The following HIVEP3 variants were observed in gnomAD, a reference collection of about 807,000 sequenced individuals.
HIVEP3 encodes the protein HIVEP zinc finger 3, also known as transcription factor HIVEP3.
HIVEP3 carries 49 observed loss-of-function variants against 152.8 expected under a neutral mutation model. The observed-to-expected ratio is 0.32, with a 90% CI of 0.26 to 0.41. The LOEUF (loss-of-function observed/expected upper bound fraction) is 0.41. HIVEP3 is among the 10% of genes least tolerant of loss of function. HIVEP3 has a pLI of 1.00. For synonymous variants in HIVEP3, 1,269 were observed against 1,289.0 expected, an observed-to-expected ratio of 0.98 and a Z score of 0.33; for missense variants, 2,790 against 3,103.3, an observed-to-expected ratio of 0.90 and a Z score of 2.40.
intron 5 of HIVEP3, among the ~76,000 whole-genome samples, chr1:41,555,632 T>C (rs938242760): frequency 2.0e-5 from 3 of 152,252 alleles, no homozygotes; most frequent in Admixed American, 6.5e-5. Context: ...ATCTTGGAAC[T>C]GCCCTGAACC....
Position 41,579,752 on chromosome 1 carries a change from C to T in HIVEP3, c.5046G>A (p.Lys1682=), listed in dbSNP as rs183309021. The T allele has an allele frequency of 1.7e-5, 27 of 1,582,764 alleles. No homozygotes were observed. In the East Asian group the frequency reaches 5.2e-4, roughly 30 times the overall value. ...CTGAACTTACCTCTGTCATGCGGGG[C>T]TTGCGGGAGCTGGATGGCACAAGCC... ...AGRLVPSSSR[K]PRMTEVHLPS... is the part of the protein sequence containing the mutation. Residue 1682 remains lysine (K), a synonymous_variant, in exon 4 of 9, where the codon AAG becomes AAA. Coordinates refer to ENST00000372583, the MANE Select transcript of HIVEP3 (RefSeq NM_024503.5).
intron 1 of HIVEP3, among the ~76,000 whole-genome samples, chr1:41,888,700 T>G (rs1191312942): frequency 2.2e-5 from 2 of 92,388 alleles, no homozygotes; most frequent in African/African-American, 4.3e-5. Context: ...ATACACACCA[T>G]ATACCTCACA....
chr1:41,755,066 C>T (rs1256525823), intron 1 of HIVEP3, among the ~76,000 whole-genome samples: 13 of 152,180 alleles, frequency 8.5e-5, no homozygotes, highest in Admixed American at 8.5e-4. Context: ...CATGATATAG[C>T]TACAGTAATC....
chr1:41,715,873 A>G (rs956163217), intron 1 of HIVEP3, among the ~76,000 whole-genome samples: 4 of 152,230 alleles, frequency 2.6e-5, no homozygotes, highest in African/African-American at 9.7e-5. Flanking sequence ...TCTCTATGTC[A>G]GGCCCAAACC....
At chr1:42,013,734 T>G (rs1570892030) in intron 1 of HIVEP3, among the ~76,000 whole-genome samples, 1 of 152,224 alleles carries the variant, frequency 6.6e-6, no homozygotes, top group Admixed American at 6.5e-5. Flanking sequence ...ATACTTTAGG[T>G]GCTGCTCAGA....
At chr1:42,033,336 T>G (rs1019480124) in intron 1 of HIVEP3, among the ~76,000 whole-genome samples, 5 of 152,126 alleles carry the variant, frequency 3.3e-5, no homozygotes, top group Admixed American at 6.5e-5. Flanking sequence ...TTTTTTTAAT[T>G]ACAAAAGTAA....
chr1:41,632,926 C>T (rs1005183146), intron 2 of HIVEP3, among the ~76,000 whole-genome samples: 1 of 151,910 alleles, frequency 6.6e-6, no homozygotes, highest in East Asian at 1.9e-4. Flanking sequence ...GATGAAGTGG[C>T]CTGGATGTGG....
chr1:41,881,749 G>GAA (rs1644265154), intron 1 of HIVEP3, among the ~76,000 whole-genome samples: 1 of 152,208 alleles, frequency 6.6e-6, no homozygotes, highest in African/African-American at 2.4e-5. Context: ...GGCATGCTCT[G>GAA]AAACTACGGT....
chr1:41,955,069 T>C (rs1645133078), intron 1 of HIVEP3, among the ~76,000 whole-genome samples: 1 of 152,128 alleles, frequency 6.6e-6, no homozygotes, highest in Non-Finnish European at 1.5e-5. Context: ...ATTTTCAATG[T>C]TCCATGCACT....
intron 6 of HIVEP3, among the ~76,000 whole-genome samples, chr1:41,520,724 T>C (rs988998685): frequency 6.6e-6 from 1 of 152,188 alleles, no homozygotes; most frequent in Admixed American, 6.5e-5. Flanking sequence ...ACACAATGGG[T>C]GTACAATAGC....
intron 1 of HIVEP3, among the ~76,000 whole-genome samples, chr1:41,907,427 A>G (rs1250374731): frequency 6.6e-6 from 1 of 152,208 alleles, no homozygotes; most frequent in African/African-American, 2.4e-5. Flanking sequence ...ACCCTTCACC[A>G]ACCAGTGCCC....
intron 7 of HIVEP3, among the ~76,000 whole-genome samples, chr1:41,517,897 C>T (rs543101168): frequency 4.6e-5 from 7 of 152,308 alleles, no homozygotes; most frequent in African/African-American, 1.4e-4. Flanking sequence ...TCTCCTAGCT[C>T]CAAAAGGCCC....
At chr1:41,925,592 T>G (rs12087669) in intron 1 of HIVEP3, among the ~76,000 whole-genome samples, 4,837 of 152,158 alleles carry the variant, frequency 0.032, 280 homozygotes, top group African/African-American at 0.11. Context: ...AATCTGCATA[T>G]AGTGGACCCG....
At chr1:41,712,770 C>A (rs1252698838) in intron 1 of HIVEP3, among the ~76,000 whole-genome samples, 1 of 152,178 alleles carries the variant, frequency 6.6e-6, no homozygotes, top group Non-Finnish European at 1.5e-5. Flanking sequence ...TCATAGACAC[C>A]GTTCCTCCCT....
At chr1:42,000,584 G>A (rs1212315022) in intron 1 of HIVEP3, among the ~76,000 whole-genome samples, 1 of 152,146 alleles carries the variant, frequency 6.6e-6, no homozygotes, top group Non-Finnish European at 1.5e-5. Context: ...AGGTATCTGA[G>A]GACTCCCTTC....
chr1:41,977,374 C>T (rs1026335669), intron 1 of HIVEP3, among the ~76,000 whole-genome samples: 77 of 152,268 alleles, frequency 5.1e-4, no homozygotes, highest in Admixed American at 4.8e-3. Context: ...GGGAACACAG[C>T]TACCCCAGGA....
At chr1:41,925,185 T>G (rs1644961797) in intron 1 of HIVEP3, among the ~76,000 whole-genome samples, 3 of 152,172 alleles carry the variant, frequency 2.0e-5, no homozygotes, top group African/African-American at 7.2e-5. Context: ...TGACAGAGAC[T>G]ATACGTGGCT....
At chr1:41,532,032 G>A (rs1643273497) in intron 5 of HIVEP3, among the ~76,000 whole-genome samples, 1 of 133,254 alleles carries the variant, frequency 7.5e-6, no homozygotes, top group African/African-American at 2.9e-5. Context: ...GGAAGACAGG[G>A]GAGATAGAGG....
chr1:41,881,624 T>C (rs1188697680), intron 1 of HIVEP3, among the ~76,000 whole-genome samples: 1 of 152,238 alleles, frequency 6.6e-6, no homozygotes, highest in East Asian at 1.9e-4. Context: ...AGTTCTACTT[T>C]ATTAATAGAC....
Sources: allele counts gnomAD v4.1 joint callset (sites outside exome capture counted in the v4.1 genomes callset), GRCh38; gene constraint gnomAD v4.1.1; transcripts MANE v1.5; gene names NCBI Gene and HGNC (gene_info 2026-07-23, HGNC 2026-07-21).